Variants in RNF144A observed in about 807,000 individuals in gnomAD.
RNF144A encodes ring finger protein 144A, also known as E3 ubiquitin-protein ligase RNF144A.
RNF144A carries 11 observed loss-of-function variants against 38.7 expected under a neutral mutation model. That is an observed-to-expected ratio of 0.28 (90% CI 0.18 to 0.47). RNF144A has a LOEUF of 0.47. RNF144A is among the 20% of genes least tolerant of loss of function. The probability of loss-of-function intolerance (pLI) is 0.99; values close to 1 mark genes in which losing one functional copy is unlikely to be tolerated. For synonymous variants in RNF144A, 149 were observed against 143.9 expected, an observed-to-expected ratio of 1.04 and a Z score of -0.25; for missense variants, 316 against 377.2, an observed-to-expected ratio of 0.84 and a Z score of 1.34.
chr2:7,066,156 C>T (rs565199671), intron 6 of RNF144A, among the ~76,000 whole-genome samples: 1 of 151,848 alleles, frequency 6.6e-6, no homozygotes, highest in Non-Finnish European at 1.5e-5. Flanking sequence ...GGCCGGATCT[C>T]GGCTCACTAC....
At chr2:6,961,881 T>C (rs1000073570) in intron 2 of RNF144A, among the ~76,000 whole-genome samples, 7 of 152,332 alleles carry the variant, frequency 4.6e-5, no homozygotes, top group South Asian at 2.1e-4. Flanking sequence ...CAGTGTTTGA[T>C]TGGCATTTGA....
chr2:6,978,847 C>T (rs1241015102), intron 2 of RNF144A: 1 of 152,596 alleles, frequency 6.6e-6, no homozygotes, highest in African/African-American at 2.4e-5. Flanking sequence ...TGAGTAAGTT[C>T]TGTGGTTTGT....
rs543913383 is a variant in RNF144A at position 7,018,535 on chromosome 2, C to A, written c.302-1938C>A. 5.9e-5 allele frequency among the ~76,000 whole-genome samples: 9 copies of A among 152,182 alleles called. No individual in the cohort carries two copies. In the South Asian group the frequency reaches 1.9e-3, roughly 32 times the overall value. On this transcript the variant is annotated intron_variant, in intron 5 of 8. Coordinates refer to ENST00000320892, the MANE Select transcript of RNF144A (RefSeq NM_014746.6). ...AGTGCCCCAGGCTGGCATGTGCACC[C>A]CCTCCTTGCTTTGCTGTGACTGTCA... is the stretch of plus-strand genomic sequence containing the variant.
intron 3 of RNF144A, among the ~76,000 whole-genome samples, chr2:7,009,336 T>C (rs1443495735): frequency 6.6e-6 from 1 of 152,170 alleles, no homozygotes; most frequent in Non-Finnish European, 1.5e-5. Flanking sequence ...TAGTCTTAGA[T>C]AGCTTAGGAA....
chr2:6,919,930 A>G (rs1348574482), intron 1 of RNF144A, among the ~76,000 whole-genome samples: 1 of 152,210 alleles, frequency 6.6e-6, no homozygotes, highest in African/African-American at 2.4e-5. Context: ...AAATGCATAT[A>G]TTTTATAAAT....
intron 2 of RNF144A, among the ~76,000 whole-genome samples, chr2:6,981,156 G>A (rs1668608804): frequency 6.6e-6 from 1 of 152,196 alleles, no homozygotes; most frequent in Non-Finnish European, 1.5e-5. Context: ...GGGAGGAGTT[G>A]CCTTGAAGAT....
rs566950393 is a variant in RNF144A, at chr2:6,951,399, T to C, written c.-12+10252T>C. Among the ~76,000 whole-genome samples the C allele has an allele frequency of 2.0e-5, 3 of 152,346 alleles. No homozygotes were observed. The South Asian group carries it at 6.2e-4, about 32-fold the overall frequency. On this transcript the variant is annotated intron_variant, in intron 2 of 8. Coordinates refer to ENST00000320892, the MANE Select transcript of RNF144A (RefSeq NM_014746.6). ...GTTTTGGCACTTGGCTTCCAACCTT[T>C]TCCCTCTTATTTGGTGGTGTTTGGC...
intron 6 of RNF144A, among the ~76,000 whole-genome samples, chr2:7,021,683 A>G (rs951345461): frequency 1.3e-5 from 2 of 152,184 alleles, no homozygotes; most frequent in Non-Finnish European, 2.9e-5. Context: ...AACCCTGGAC[A>G]TATTGGATTT....
At chr2:7,027,135 T>G (rs1315902635) in intron 7 of RNF144A, among the ~76,000 whole-genome samples, 2 of 152,204 alleles carry the variant, frequency 1.3e-5, no homozygotes, top group Non-Finnish European at 2.9e-5. Flanking sequence ...TTCTGGCACA[T>G]GCAGACATCC....
intron 8 of RNF144A, among the ~76,000 whole-genome samples, chr2:7,031,148 C>T (rs1026394405): frequency 5.3e-5 from 8 of 152,256 alleles, no homozygotes; most frequent in African/African-American, 1.2e-4. Flanking sequence ...GGCTACAGAC[C>T]GCTACCCGTC....
chr2:7,070,477 A>G (rs1056848471), downstream of RNF144A, among the ~76,000 whole-genome samples: 6 of 152,218 alleles, frequency 3.9e-5, no homozygotes, highest in Non-Finnish European at 8.8e-5. Flanking sequence ...TACTAGTATG[A>G]GCCTGTTGGG....
At chr2:7,055,087 TC>T (rs1673680451) in intron 6 of RNF144A, among the ~76,000 whole-genome samples, 1 of 152,142 alleles carries the variant, frequency 6.6e-6, no homozygotes, top group African/African-American at 2.4e-5. Context: ...TGCTCTCCCT[TC>T]CTTTACTGTC....
At chr2:7,064,948 G>A (rs1004023967) in intron 6 of RNF144A, among the ~76,000 whole-genome samples, 1 of 152,138 alleles carries the variant, frequency 6.6e-6, no homozygotes, top group Non-Finnish European at 1.5e-5. Flanking sequence ...TGAGAACTCG[G>A]GGCAGTAGTA....
chr2:7,000,767 AC>A (rs1166558076), intron 3 of RNF144A, among the ~76,000 whole-genome samples: 2 of 152,072 alleles, frequency 1.3e-5, no homozygotes, highest in African/African-American at 4.8e-5. Flanking sequence ...CTTAAAAAAA[AC>A]AGTCTAATGA....
In RNF144A at chr2:6,958,190, C is replaced by G. The variant is rs1164924439; in HGVS notation, c.-12+17043C>G. ...CTCTTCCTGGAAGGTGGAACTTGAT[C>G]ACCACTCTGCCTGGCCTCAGCAGTC... On this transcript the variant is annotated intron_variant, in intron 2 of 8. Transcript: ENST00000320892. The surrounding 1 kb of genome is among the most constrained non-coding windows in gnomAD (Gnocchi z 4.5). 6.6e-6 allele frequency among the ~76,000 whole-genome samples: 1 copy of G among 152,226 alleles called. No individual in the cohort carries two copies. Among genetic ancestry groups the G allele is most frequent in the Non-Finnish European group, 1.5e-5 (1 of 68,046 alleles).
chr2:7,011,823 T>C (rs1206582170), intron 3 of RNF144A, among the ~76,000 whole-genome samples: 3 of 152,222 alleles, frequency 2.0e-5, no homozygotes, highest in Non-Finnish European at 2.9e-5. Context: ...TTGTTTTTGA[T>C]GGATGCAAGG....
chr2:7,013,093 G>A (rs1299216516), intron 3 of RNF144A, among the ~76,000 whole-genome samples: 1 of 152,210 alleles, frequency 6.6e-6, no homozygotes, highest in East Asian at 1.9e-4. Flanking sequence ...TTCAATGAAT[G>A]AAATATTCTA....
chr2:7,009,513 G>C (rs1284264170), intron 3 of RNF144A, among the ~76,000 whole-genome samples: 1 of 131,764 alleles, frequency 7.6e-6, no homozygotes, highest in South Asian at 2.8e-4. Flanking sequence ...TTTATTTTAC[G>C]CATAAAGTCT....
Position 7,040,983 on chromosome 2 carries a change from T to A in RNF144A, c.*1223T>A. 1.0e-6 allele frequency: 1 copy of A among 985,302 alleles called. No homozygotes were observed. 61.0% of individuals were successfully genotyped at this position (985,302 alleles called of 1,614,324 possible). A position where few individuals can be genotyped will look rare whatever the true frequency, so the allele number is the denominator to read the frequency against. ...TTCCATGGCAGCAGGATGCAGGGAT[T>A]AATAAGGACACATACACATTATTCC... On this transcript the variant is annotated 3_prime_UTR_variant, in exon 9 of 9. Transcript: ENST00000320892.
Sources: allele counts gnomAD v4.1 joint callset (sites outside exome capture counted in the v4.1 genomes callset), GRCh38; gene constraint gnomAD v4.1.1; non-coding constraint Gnocchi (gnomAD v3.1); transcripts MANE v1.5; gene names NCBI Gene and HGNC (gene_info 2026-07-23, HGNC 2026-07-21).